NMNAT2: variants seen among roughly 807,000 people sequenced by gnomAD.
NMNAT2 encodes nicotinamide/nicotinic acid mononucleotide adenylyltransferase 2.
A neutral mutation model predicts 41.6 loss-of-function variants in NMNAT2; 11 were observed. The observed-to-expected ratio is 0.26, with a 90% CI of 0.17 to 0.44. NMNAT2 has a LOEUF of 0.44. Among genes scored for constraint, NMNAT2 ranks in the 20% least tolerant of loss-of-function variants. The probability of loss-of-function intolerance (pLI) is 1.00; values close to 1 mark genes in which losing one functional copy is unlikely to be tolerated. For synonymous variants in NMNAT2, 148 were observed against 151.2 expected, an observed-to-expected ratio of 0.98 and a Z score of 0.16; for missense variants, 288 against 407.7, an observed-to-expected ratio of 0.71 and a Z score of 2.53.
In NMNAT2 at chr1:183,418,226, G is replaced by A. The variant is rs761280657; in HGVS notation, c.42C>T (p.Cys14=). 5 of 1,614,102 alleles carry A rather than the reference G, an allele frequency of 3.1e-6. No homozygotes were observed. The highest frequency in any genetic ancestry group is 4.2e-6 in the Non-Finnish European group (5 of 1,180,002). ...CTTTGGTGATGGGATTGAAGCTGCC[G>A]CAGGCGAGCAAGATAACGTGGGTCT... ...TTKTHVILLA[C]GSFNPITKGH... Residue 14 remains cysteine (C), a synonymous_variant, in exon 1 of 11, where the codon TGC becomes TGT. Transcript: ENST00000287713.
At chr1:183,290,926 ATTTT>A (rs558346446) in intron 3 of NMNAT2, among the ~76,000 whole-genome samples, 1 of 151,320 alleles carries the variant, frequency 6.6e-6, no homozygotes, top group Non-Finnish European at 1.5e-5. Context: ...CAACTTAATG[ATTTT>A]TTTTTAGACA....
In NMNAT2 at chr1:183,281,662, C is replaced by T. The variant is rs369844879; in HGVS notation, c.574+2333G>A. ...CCCACATATGGCCACTGGAGGGCAG[C>T]AGTGACTTCTCCCAGTTTGTCCTAT... On this transcript the variant is annotated intron_variant, in intron 7 of 10. Transcript: ENST00000287713. Among the ~76,000 whole-genome samples, 6 of 152,338 alleles carry T rather than the reference C, an allele frequency of 3.9e-5. No individual in the cohort carries two copies. In the East Asian group the frequency reaches 1.2e-3, roughly 29 times the overall value.
At chr1:183,416,054 C>G (rs1292216872) in intron 1 of NMNAT2, among the ~76,000 whole-genome samples, 1 of 152,228 alleles carries the variant, frequency 6.6e-6, no homozygotes, top group Non-Finnish European at 1.5e-5. Flanking sequence ...TTTCACCTTT[C>G]TATATCTAAA....
intron 10 of NMNAT2, among the ~76,000 whole-genome samples, chr1:183,253,654 A>G (rs149438287): frequency 6.6e-6 from 1 of 151,218 alleles, no homozygotes; most frequent in African/African-American, 2.4e-5. Flanking sequence ...GATTCCATAT[A>G]TATTCCTACA....
intron 1 of NMNAT2, among the ~76,000 whole-genome samples, chr1:183,332,142 T>C (rs1181043226): frequency 1.3e-5 from 2 of 152,232 alleles, no homozygotes; most frequent in Non-Finnish European, 2.9e-5. Context: ...ATGCAAGCTC[T>C]GCCAAAGCAC....
chr1:183,299,393 T>TA (rs1042640068), intron 1 of NMNAT2, among the ~76,000 whole-genome samples: 3 of 151,670 alleles, frequency 2.0e-5, no homozygotes, highest in African/African-American at 7.3e-5. Flanking sequence ...AATAAAAAAA[T>TA]AAAAAAAGGA....
At chr1:183,388,697 T>A (rs1449711143) in intron 1 of NMNAT2, among the ~76,000 whole-genome samples, 1 of 152,226 alleles carries the variant, frequency 6.6e-6, no homozygotes, top group East Asian at 1.9e-4. Flanking sequence ...AAAATAATTC[T>A]CCATTATATT....
chr1:183,416,903 G>A (rs779644433), intron 1 of NMNAT2, among the ~76,000 whole-genome samples: 1 of 152,008 alleles, frequency 6.6e-6, no homozygotes, highest in Admixed American at 6.5e-5. Context: ...ACGTGTGCCC[G>A]CATCCAGCTC....
At chr1:183,392,356 AC>A (rs1648508768) in intron 1 of NMNAT2, among the ~76,000 whole-genome samples, 1 of 152,194 alleles carries the variant, frequency 6.6e-6, no homozygotes, top group African/African-American at 2.4e-5. Context: ...ATACCCTATC[AC>A]TTTTACCCTC....
intron 1 of NMNAT2, among the ~76,000 whole-genome samples, chr1:183,387,754 C>T (rs1242183705): frequency 1.3e-5 from 2 of 152,202 alleles, no homozygotes; most frequent in African/African-American, 4.8e-5. Context: ...TCTCCAGGGT[C>T]CATCTCAAAT....
chr1:183,387,239 GT>G (rs35560352), intron 1 of NMNAT2, among the ~76,000 whole-genome samples: 14,316 of 143,820 alleles, frequency 0.1, 791 homozygotes, highest in Middle Eastern at 0.18. Context: ...AGATCCCTGT[GT>G]TTTTTTTTTT....
intron 1 of NMNAT2, among the ~76,000 whole-genome samples, chr1:183,358,732 T>C (rs956209380): frequency 2.6e-5 from 4 of 152,194 alleles, no homozygotes; most frequent in African/African-American, 7.2e-5. Context: ...TACTGAGTCC[T>C]AGATGTTTCT....
rs145552520 is a variant in NMNAT2 at position 183,322,368 on chromosome 1, C to G, written c.86-28575G>C. 1.2e-3 allele frequency among the ~76,000 whole-genome samples: 188 copies of G among 152,274 alleles called. 2 individuals are homozygous for G. The highest frequency in any genetic ancestry group is 4.0e-3 in the African/African-American group (166 of 41,554). On this transcript the variant is annotated intron_variant, in intron 1 of 10. Transcript: ENST00000287713. ...GGCTGTCAGACCTGGGTATGGGGGC[C>G]TCATGCTCTACTTCTTCATTACCTT... is the stretch of plus-strand genomic sequence containing the variant.
chr1:183,321,827 T>G (rs1037881840), intron 1 of NMNAT2, among the ~76,000 whole-genome samples: 1 of 152,118 alleles, frequency 6.6e-6, no homozygotes, highest in African/African-American at 2.4e-5. Context: ...TTTTGTTTTG[T>G]TTTTGTTTTG....
intron 1 of NMNAT2, among the ~76,000 whole-genome samples, chr1:183,401,946 G>A (rs1472207714): frequency 1.3e-5 from 2 of 151,434 alleles, no homozygotes; most frequent in African/African-American, 2.4e-5. Flanking sequence ...GGGAGGGATA[G>A]CATTAGGAGA....
chr1:183,366,484 CAAGATGATT>C (rs1302525890), intron 1 of NMNAT2, among the ~76,000 whole-genome samples: 1 of 152,080 alleles, frequency 6.6e-6, no homozygotes, highest in Non-Finnish European at 1.5e-5. Flanking sequence ...CTGTTGATTC[CAAGATGATT>C]AAGTCTCAGT....
Position 183,250,383 on chromosome 1 carries a change from A to T in NMNAT2, c.*2258T>A, listed in dbSNP as rs1186267324. 6.6e-6 allele frequency: 1 copy of T among 152,038 alleles called. No homozygotes were observed. Among genetic ancestry groups the T allele is most frequent in the Non-Finnish European group, 1.5e-5 (1 of 68,040 alleles). The allele number at this position is 152,038 out of a possible 1,614,324, so 9.4% of individuals were successfully genotyped here. On this transcript the variant is annotated 3_prime_UTR_variant, in exon 11 of 11. Coordinates refer to ENST00000287713, the MANE Select transcript of NMNAT2 (RefSeq NM_015039.4). The stretch of plus-strand genomic sequence containing the variant: ...CCTAACAGTGGCCTTCCTTACTATC[A>T]CACCCTCCCCTGGGACTGGCATTAC...
At chr1:183,405,627 C>T (rs530854657) in intron 1 of NMNAT2, among the ~76,000 whole-genome samples, 120 of 152,214 alleles carry the variant, frequency 7.9e-4, no homozygotes, top group Admixed American at 3.3e-3. Flanking sequence ...AAAACTAAGA[C>T]TTTAAGACAT....
At chr1:183,261,098 C>T (rs1378949457) in intron 9 of NMNAT2, 29 bp from the exon 10 acceptor site, 8 of 1,607,108 alleles carry the variant, frequency 5.0e-6, no homozygotes, top group Non-Finnish European at 5.1e-6. Flanking sequence ...GAGTCAGTTG[C>T]CAGTCCCTCC....
Sources: gnomAD v4.1 joint callset for allele counts (sites outside exome capture counted in the v4.1 genomes callset) on GRCh38, gnomAD v4.1.1 for gene constraint, MANE v1.5 for transcripts, NCBI Gene and HGNC (gene_info 2026-07-23, HGNC 2026-07-21) for gene names.